TDRD9: variants seen among roughly 807,000 people sequenced by gnomAD.
TDRD9 encodes the protein tudor domain containing 9.
In TDRD9, 124 loss-of-function variants were observed where a neutral mutation model predicts 172.6. The ratio of observed to expected loss-of-function variants is 0.72; its 90% CI spans 0.62 to 0.83. The LOEUF is 0.83. Ranked by LOEUF, TDRD9 falls within the 40% of genes least tolerant of loss-of-function variation. The pLI, the probability that TDRD9 is intolerant of heterozygous loss-of-function variation, is 0.00. For missense variants in TDRD9, 1,479 were observed against 1,714.1 expected (o/e 0.86, Z 2.42); for synonymous variants, 619 against 617.1 (o/e 1.00, Z -0.05).
intron 7 of TDRD9, among the ~76,000 whole-genome samples, chr14:103,983,222 C>T (rs1423808798): frequency 1.3e-5 from 2 of 151,708 alleles, no homozygotes; most frequent in Non-Finnish European, 2.9e-5. Context: ...TGCCCCATGC[C>T]CGGTTAATTT....
At chr14:104,029,059 A>G (rs1467189471) in intron 28 of TDRD9, among the ~76,000 whole-genome samples, 4 of 152,192 alleles carry the variant, frequency 2.6e-5, no homozygotes, top group African/African-American at 9.6e-5. Flanking sequence ...TTTTTATGCC[A>G]GTATAATGCT....
rs2035361198 is a variant in TDRD9 at position 104,033,868 on chromosome 14, G to A, written c.3510-92G>A. 1.1e-5 allele frequency: 8 copies of A among 751,252 alleles called. No individual in the cohort carries two copies. In the Admixed American group the frequency reaches 1.7e-4, roughly 16 times the overall value. The allele number at this position is 751,252 out of a possible 1,614,324, so 46.5% of individuals were successfully genotyped here. On this transcript the variant is annotated intron_variant, in intron 30 of 35. Transcript: ENST00000409874. ...CGTCTATCATTGCAGTTGCCCGTTT[G>A]TATTTTTGAAATGGGTTGCTTGTGG...
chr14:103,971,265 G>A (rs1296833344), intron 6 of TDRD9, among the ~76,000 whole-genome samples: 4 of 151,918 alleles, frequency 2.6e-5, no homozygotes, highest in Non-Finnish European at 5.9e-5. Context: ...TTACAGGTGT[G>A]AGCCACCGCG....
intron 3 of TDRD9, among the ~76,000 whole-genome samples, chr14:103,965,085 G>A (rs1355892090): frequency 1.3e-5 from 2 of 151,840 alleles, no homozygotes; most frequent in Non-Finnish European, 2.9e-5. Flanking sequence ...GGTGGTACAC[G>A]CCTGTAGTCC....
At chr14:103,987,159 CACA>C (rs1157335262) in intron 8 of TDRD9, among the ~76,000 whole-genome samples, 22 of 149,408 alleles carry the variant, frequency 1.5e-4, no homozygotes, top group Non-Finnish European at 2.4e-4. Context: ...CACACACACA[CACA>C]CCATATGATT....
chr14:103,990,939 G>C (rs2033839718), intron 8 of TDRD9, among the ~76,000 whole-genome samples: 2 of 152,322 alleles, frequency 1.3e-5, no homozygotes, highest in Admixed American at 6.5e-5. Flanking sequence ...ATAGGAGAAA[G>C]TATTGGGAGT....
intron 10 of TDRD9, 63 bp from the exon 11 acceptor site, chr14:103,994,456 A>G: frequency 6.2e-7 from 1 of 1,603,662 alleles, no homozygotes; most frequent in Non-Finnish European, 8.5e-7. Context: ...TTATCTCAGT[A>G]TTTATTTTTG....
intron 1 of TDRD9, chr14:103,940,736 A>G (rs1170172767): frequency 1.9e-6 from 2 of 1,064,740 alleles, no homozygotes; most frequent in Non-Finnish European, 2.7e-6. Flanking sequence ...TTGAAGTCAC[A>G]TCACTTTTTC....
intron 35 of TDRD9, 92 bp from the exon 36 acceptor site, chr14:104,051,889 C>A: frequency 1.4e-6 from 1 of 729,878 alleles, no homozygotes. Context: ...CTGAATTATA[C>A]TTTGTGCATC....
Position 104,022,275 on chromosome 14 carries a change from G to C in TDRD9, c.2551G>C (p.Glu851Gln), listed in dbSNP as rs749905832. Reference protein sequence around the residue: ...VSLELSVHSAEEIEGKVQGMN... With the variant: ...VSLELSVHSAQEIEGKVQGMN... ...ACTTGAACTCAGCGTTCATTCTGCA[G>C]AGGAAATTGAAGGGAAGGTGCAAGG... The change falls in exon 24 of 36, where the codon GAG becomes CAG. Residue 851 changes from glutamate to glutamine, a missense_variant. By Grantham distance (29) the Glu-to-Gln change is conservative. Transcript: ENST00000409874. 1 of 1,613,800 alleles carries C rather than the reference G, an allele frequency of 6.2e-7. No individual in the cohort carries two copies. The highest frequency in any genetic ancestry group is 8.5e-7 in the Non-Finnish European group (1 of 1,179,820).
At chr14:103,934,033 T>C (rs1301177519) in intron 1 of TDRD9, among the ~76,000 whole-genome samples, 1 of 140,954 alleles carries the variant, frequency 7.1e-6, no homozygotes, top group Non-Finnish European at 1.6e-5. Context: ...CAAAATCCAC[T>C]TTTTTTTTTT....
chr14:104,047,038 G>A (rs1402399429), intron 34 of TDRD9, among the ~76,000 whole-genome samples: 1 of 152,158 alleles, frequency 6.6e-6, no homozygotes, highest in East Asian at 1.9e-4. Context: ...AAAAATCCTT[G>A]TTGGAATTGT....
chr14:103,939,374 C>A (rs1274565527), intron 1 of TDRD9, among the ~76,000 whole-genome samples: 1 of 152,194 alleles, frequency 6.6e-6, no homozygotes, highest in East Asian at 1.9e-4. Flanking sequence ...TTGCTACTTA[C>A]TGTATTCACT....
intron 15 of TDRD9, among the ~76,000 whole-genome samples, chr14:104,006,116 A>G (rs1566777261): frequency 6.6e-6 from 1 of 152,158 alleles, no homozygotes; most frequent in African/African-American, 2.4e-5. Flanking sequence ...TGCATGCCAT[A>G]TTTGTTCAAG....
intron 28 of TDRD9, among the ~76,000 whole-genome samples, chr14:104,029,465 T>C (rs530765446): frequency 2.0e-5 from 3 of 152,222 alleles, no homozygotes; most frequent in Non-Finnish European, 2.9e-5. Flanking sequence ...TTTCTTGATA[T>C]CTTTTTTAGC....
chr14:103,965,425 C>T lies in TDRD9; in HGVS notation c.513C>T (p.Asp171=). 6.4e-7 allele frequency: 1 copy of T among 1,551,622 alleles called. No individual in the cohort carries two copies. Among genetic ancestry groups the T allele is most frequent in the Non-Finnish European group, 8.7e-7 (1 of 1,146,982 alleles). The change falls in exon 4 of 36, where the codon GAC becomes GAT. Residue 171 remains aspartate (D), a synonymous_variant. Coordinates refer to ENST00000409874, the MANE Select transcript of TDRD9 (RefSeq NM_153046.3). ...CTCAGCTCCCGCAGTATATCTTGGACCACTACGTTCAGCGCTCCGCCTACT... is the reference window on the plus strand; with the variant it reads ...CTCAGCTCCCGCAGTATATCTTGGATCACTACGTTCAGCGCTCCGCCTACT... ...KSTQLPQYIL[D]HYVQRSAYCS...
At chr14:104,000,054 G>C (rs1341227613) in intron 13 of TDRD9, among the ~76,000 whole-genome samples, 3 of 152,130 alleles carry the variant, frequency 2.0e-5, no homozygotes, top group Non-Finnish European at 4.4e-5. Context: ...GAGGCCAGGT[G>C]CGGTGACTTA....
In TDRD9 at chr14:103,990,921, A is replaced by C. The variant is rs1451009088; in HGVS notation, c.1116-239A>C. Among the ~76,000 whole-genome samples, 4 of 152,216 alleles carry C rather than the reference A, an allele frequency of 2.6e-5. No homozygotes were observed. In the South Asian group the frequency reaches 8.3e-4, roughly 31 times the overall value. ...TTCAAGGAAAACTTCTGCAGATAGTAAGTTTTGATAGGAGAAAGTATTGGG... is the reference window on the plus strand; with the variant it reads ...TTCAAGGAAAACTTCTGCAGATAGTCAGTTTTGATAGGAGAAAGTATTGGG... On this transcript the variant is annotated intron_variant, in intron 8 of 35. Transcript: ENST00000409874.
chr14:104,037,523 T>C (rs2035487405), intron 32 of TDRD9, among the ~76,000 whole-genome samples: 1 of 152,216 alleles, frequency 6.6e-6, no homozygotes, highest in South Asian at 2.1e-4. Context: ...ACATACTCTT[T>C]GTACAATAGT....
Sources: allele counts gnomAD v4.1 joint callset (sites outside exome capture counted in the v4.1 genomes callset), GRCh38; gene constraint gnomAD v4.1.1; transcripts MANE v1.5; gene names NCBI Gene and HGNC (gene_info 2026-07-23, HGNC 2026-07-21).